Variants in SLC24A2 observed in about 807,000 individuals in gnomAD.
SLC24A2 encodes sodium/potassium/calcium exchanger 2.
Under a neutral mutation model 62.0 loss-of-function variants are expected in SLC24A2, and 36 were observed. The ratio of observed to expected loss-of-function variants is 0.58; its 90% CI spans 0.44 to 0.77. The LOEUF (loss-of-function observed/expected upper bound fraction) is 0.77, where lower values mean the gene tolerates loss of function less well. Among genes scored for constraint, SLC24A2 ranks in the 30% least tolerant of loss-of-function variants. The probability of loss-of-function intolerance (pLI) is 0.00; values close to 1 mark genes in which losing one functional copy is unlikely to be tolerated. For synonymous variants in SLC24A2, 358 were observed against 294.0 expected (o/e 1.22, Z -2.23); for missense variants, 846 against 817.9 (o/e 1.03, Z -0.42).
intron 2 of SLC24A2, among the ~76,000 whole-genome samples, chr9:19,623,175 G>T (rs187148948): frequency 2.4e-4 from 37 of 152,232 alleles, no homozygotes; most frequent in Admixed American, 2.1e-3. Flanking sequence ...GGACCACCCT[G>T]GGATCTTTCC....
At chr9:19,748,322 T>A (rs563593829) in intron 2 of SLC24A2, among the ~76,000 whole-genome samples, 22 of 152,286 alleles carry the variant, frequency 1.4e-4, no homozygotes, top group African/African-American at 4.6e-4. Flanking sequence ...AGCAGGCACA[T>A]TTTCCTCTTT....
intron 2 of SLC24A2, among the ~76,000 whole-genome samples, chr9:19,718,566 C>G (rs959713623): frequency 1.2e-4 from 18 of 151,224 alleles, no homozygotes; most frequent in African/African-American, 4.4e-4. Flanking sequence ...CCGCCTTGGC[C>G]TCACAAAGTG....
the SLC24A2 span, among the ~76,000 whole-genome samples, chr9:19,975,557 A>C: frequency 6.6e-6 from 1 of 152,236 alleles, no homozygotes; most frequent in East Asian, 1.9e-4. Context: ...AAGGAAGACA[A>C]AAATATTCAA....
the SLC24A2 span, among the ~76,000 whole-genome samples, chr9:19,863,074 G>A: frequency 6.6e-6 from 1 of 152,000 alleles, no homozygotes; most frequent in East Asian, 1.9e-4. Context: ...CATGCCATTG[G>A]AAGCCAAAAA....
At chr9:19,872,462 C>A in the SLC24A2 span, among the ~76,000 whole-genome samples, 1 of 152,142 alleles carries the variant, frequency 6.6e-6, no homozygotes, top group African/African-American at 2.4e-5. Context: ...CATGTGTTAC[C>A]TTCTTTTCTA....
chr9:19,559,666 C>T (rs1835294229), intron 7 of SLC24A2, among the ~76,000 whole-genome samples: 2 of 152,092 alleles, frequency 1.3e-5, no homozygotes, highest in Admixed American at 1.3e-4. Flanking sequence ...GAAAGGTGCC[C>T]CCCCAGAAAC....
intron 5 of SLC24A2, among the ~76,000 whole-genome samples, chr9:19,581,141 G>C (rs1027943214): frequency 4.6e-5 from 7 of 152,172 alleles, no homozygotes; most frequent in African/African-American, 1.7e-4. Flanking sequence ...TGGAGAATCA[G>C]CCACATTCAG....
the SLC24A2 span, among the ~76,000 whole-genome samples, chr9:20,044,953 G>A: frequency 6.6e-6 from 1 of 151,844 alleles, no homozygotes; most frequent in Non-Finnish European, 1.5e-5. Context: ...GTATGTGGCT[G>A]TCAACAATAC....
rs571416944 is a variant in SLC24A2, at chr9:19,563,354, T to C, written c.1347+9997A>G. Among the ~76,000 whole-genome samples, 5 of 151,970 alleles carry C rather than the reference T, an allele frequency of 3.3e-5. No individual in the cohort carries two copies. In the South Asian group the frequency reaches 6.2e-4, roughly 19 times the overall value. On this transcript the variant is annotated intron_variant, in intron 7 of 10. Coordinates refer to ENST00000341998, the MANE Select transcript of SLC24A2 (RefSeq NM_020344.4). ...AATTCTTGCCTATTTATTTTTAAAG[T>C]TTGAAAATGGTGGACCTGACTGTTA...
chr9:19,961,823 G>C, the SLC24A2 span, among the ~76,000 whole-genome samples: 1 of 152,200 alleles, frequency 6.6e-6, no homozygotes, highest in African/African-American at 2.4e-5. Context: ...AAGCCCATGT[G>C]ATGAAAAACT....
the SLC24A2 span, among the ~76,000 whole-genome samples, chr9:20,190,236 G>A: frequency 6.6e-6 from 1 of 152,242 alleles, no homozygotes; most frequent in South Asian, 2.1e-4. Context: ...GACTATGCTT[G>A]GAAGGGACTA....
At chr9:20,277,889 T>C in the SLC24A2 span, among the ~76,000 whole-genome samples, 6 of 152,186 alleles carry the variant, frequency 3.9e-5, no homozygotes, top group African/African-American at 1.2e-4. Context: ...ATATACACCA[T>C]GCAATACTAT....
At chr9:20,276,960 T>C in the SLC24A2 span, among the ~76,000 whole-genome samples, 1 of 152,186 alleles carries the variant, frequency 6.6e-6, no homozygotes, top group East Asian at 1.9e-4. Context: ...AACCATTTTT[T>C]CCTCCTAGGC....
the SLC24A2 span, among the ~76,000 whole-genome samples, chr9:20,107,734 T>C: frequency 1.5e-4 from 23 of 151,970 alleles, no homozygotes; most frequent in Admixed American, 1.5e-3. Context: ...CCTAAAACCA[T>C]AAAAACCCTA....
chr9:20,080,133 A>G, the SLC24A2 span, among the ~76,000 whole-genome samples: 3,868 of 152,174 alleles, frequency 0.025, 153 homozygotes, highest in African/African-American at 0.084. Flanking sequence ...CTACTTTAAA[A>G]TTCATATGGA....
chr9:20,212,795 A>G, the SLC24A2 span, among the ~76,000 whole-genome samples: 1 of 151,266 alleles, frequency 6.6e-6, no homozygotes, highest in Non-Finnish European at 1.5e-5. Context: ...AATATGTGTA[A>G]ATATACATAT....
the SLC24A2 span, among the ~76,000 whole-genome samples, chr9:19,951,652 T>TA: frequency 1.3e-5 from 2 of 152,106 alleles, no homozygotes; most frequent in Admixed American, 1.3e-4. Context: ...TAATTGGCCA[T>TA]AAAAAGATTT....
chr9:19,909,020 GAC>G, the SLC24A2 span, among the ~76,000 whole-genome samples: 1,011 of 152,276 alleles, frequency 6.6e-3, 8 homozygotes, highest in Non-Finnish European at 0.011. Flanking sequence ...CTGCTATAAA[GAC>G]ACATGCACAC....
At chr9:19,890,200 G>A in the SLC24A2 span, among the ~76,000 whole-genome samples, 15 of 152,278 alleles carry the variant, frequency 9.9e-5, no homozygotes, top group African/African-American at 2.4e-4. Flanking sequence ...GCTGGAGAAA[G>A]AGTCAATAAG....
Sources: allele counts gnomAD v4.1 joint callset (sites outside exome capture counted in the v4.1 genomes callset), GRCh38; gene constraint gnomAD v4.1.1; transcripts MANE v1.5; gene names NCBI Gene and HGNC (gene_info 2026-07-23, HGNC 2026-07-21).